The following KIAA2012 variants were observed in gnomAD, a reference collection of about 807,000 sequenced individuals.
The protein encoded by KIAA2012 is uncharacterized protein KIAA2012.
In KIAA2012, 125 loss-of-function variants were observed where a neutral mutation model predicts 150.6. The observed-to-expected ratio is 0.83, with a 90% CI of 0.72 to 0.96. The LOEUF is 0.96. KIAA2012 is among the 40% of genes least tolerant of loss of function. The pLI is 0.00. For synonymous variants in KIAA2012, 462 were observed against 504.7 expected, an observed-to-expected ratio of 0.92 and a Z score of 1.13; for missense variants, 1,219 against 1,354.9, an observed-to-expected ratio of 0.90 and a Z score of 1.57.
intron 20 of KIAA2012, 62 bp from the exon 21 acceptor site, chr2:202,194,128 T>C: frequency 1.3e-6 from 2 of 1,530,394 alleles, no homozygotes; most frequent in Non-Finnish European, 1.8e-6. Context: ...GTCTGTTGGC[T>C]CATCTCACAA....
intron 13 of KIAA2012, among the ~76,000 whole-genome samples, chr2:202,148,884 G>A (rs923612385): frequency 2.0e-5 from 3 of 152,114 alleles, no homozygotes; most frequent in Admixed American, 1.3e-4. Context: ...CGGCCCATTC[G>A]GATCCCCTTC....
At chr2:202,202,710 T>A (rs1244964057) in intron 23 of KIAA2012, 123 bp downstream of exon 23, 1 of 388,536 alleles carries the variant, frequency 2.6e-6, no homozygotes, top group Admixed American at 4.5e-5. Context: ...GGAGGCTTGC[T>A]TGAGGTCAGG....
intron 15 of KIAA2012, among the ~76,000 whole-genome samples, chr2:202,165,853 T>A (rs1007142890): frequency 1.3e-5 from 2 of 152,256 alleles, no homozygotes; most frequent in African/African-American, 2.4e-5. Context: ...ATACTAATTT[T>A]ACAAGAGCTT....
At chr2:202,115,615 G>A (rs1443133954) in intron 11 of KIAA2012, 2 of 151,920 alleles carry the variant, frequency 1.3e-5, no homozygotes, top group African/African-American at 4.8e-5. Flanking sequence ...CTTCCAATAT[G>A]AGTCCTAGAG....
At chr2:202,149,182 G>A (rs1691369170) in intron 13 of KIAA2012, among the ~76,000 whole-genome samples, 1 of 152,126 alleles carries the variant, frequency 6.6e-6, no homozygotes, top group Non-Finnish European at 1.5e-5. Flanking sequence ...TCAGATCTCT[G>A]TGTGCCCCTG....
At chr2:202,124,152 C>A (rs1329048746) in intron 11 of KIAA2012, among the ~76,000 whole-genome samples, 6 of 152,158 alleles carry the variant, frequency 3.9e-5, no homozygotes, top group African/African-American at 1.4e-4. Context: ...AAGATTGTGC[C>A]ATTGCACTCC....
rs1290325330 is a variant in KIAA2012, at chr2:202,125,219, G to A, written c.1768G>A (p.Glu590Lys). 6.5e-7 allele frequency: 1 copy of A among 1,550,090 alleles called. No individual in the cohort carries two copies. Among genetic ancestry groups the A allele is most frequent in the East Asian group, 2.4e-5 (1 of 40,916 alleles). The change falls in exon 12 of 24, where the codon GAA (glutamate) becomes AAA (lysine). Residue 590 changes from glutamate (E) to lysine (K), a missense_variant. Transcript: ENST00000498697. ...AATATCTTACTGTTTTTCAGCCTAT[G>A]AATCTGTCAATTCAAATATCAGCCA... ...TEALPSGKAYESVNSNISHEE... is the reference protein window; with the variant it reads ...TEALPSGKAYKSVNSNISHEE...
At chr2:202,081,394 A>C (rs1353137163) in intron 2 of KIAA2012, among the ~76,000 whole-genome samples, 1 of 152,072 alleles carries the variant, frequency 6.6e-6, no homozygotes, top group Non-Finnish European at 1.5e-5. Context: ...ATTATATAGT[A>C]ATTCTATTTT....
chr2:202,083,388 C>T (rs1246581476), intron 2 of KIAA2012, among the ~76,000 whole-genome samples: 1 of 151,496 alleles, frequency 6.6e-6, no homozygotes, highest in African/African-American at 2.4e-5. Flanking sequence ...CCTGCCCCGA[C>T]CTCTACTCCA....
rs553518482 is a variant in KIAA2012, at chr2:202,143,016, GACCCTGCCAA to G, written c.1908+4510_1908+4519del. Among the ~76,000 whole-genome samples the G allele has an allele frequency of 2.6e-3, 394 of 149,436 alleles. 3 individuals carry two copies. The highest frequency in any genetic ancestry group is 0.017 in the Middle Eastern group (5 of 292). On this transcript the variant is annotated intron_variant, in intron 13 of 23. Coordinates refer to ENST00000498697, the MANE Select transcript of KIAA2012 (RefSeq NM_001277372.4). The stretch of plus-strand genomic sequence containing the variant: ...GTTGTGACAATCAAAAATGTTTCCA[GACCCTGCCAA>G]ATGCCCACTGGGGAGCGAAATCACC...
chr2:202,133,131 T>TATATATA (rs1491511228), intron 12 of KIAA2012, among the ~76,000 whole-genome samples: 35 of 83,646 alleles, frequency 4.2e-4, no homozygotes, highest in African/African-American at 1.4e-3. Context: ...TATATATATA[T>TATATATA]TTTTTTTTTT....
chr2:202,180,223 A>G (rs1692091102), intron 15 of KIAA2012, among the ~76,000 whole-genome samples: 1 of 149,520 alleles, frequency 6.7e-6, no homozygotes, highest in African/African-American at 2.5e-5. Flanking sequence ...GAGAGCCGAG[A>G]TCGCGACATT....
intron 15 of KIAA2012, 35 bp from the exon 16 acceptor site, chr2:202,184,718 G>C: frequency 1.4e-6 from 2 of 1,437,560 alleles, no homozygotes; most frequent in Non-Finnish European, 9.3e-7. Context: ...ATAACTGCCT[G>C]TTGTCCTTTA....
intron 12 of KIAA2012, among the ~76,000 whole-genome samples, chr2:202,128,439 G>T (rs34194560): frequency 0.14 from 20,370 of 145,866 alleles, 1,678 homozygotes; most frequent in Non-Finnish European, 0.18. Flanking sequence ...CTTTTTGGGG[G>T]TTTTTTTTTT....
At chr2:202,085,441 C>T (rs1417804922) in intron 2 of KIAA2012, among the ~76,000 whole-genome samples, 1 of 152,052 alleles carries the variant, frequency 6.6e-6, no homozygotes, top group Non-Finnish European at 1.5e-5. Context: ...AGAGAGAGGG[C>T]AGCCTGAGAA....
At chr2:202,082,276 GCC>G (rs1689467505) in intron 2 of KIAA2012, among the ~76,000 whole-genome samples, 1 of 152,018 alleles carries the variant, frequency 6.6e-6, no homozygotes, top group Admixed American at 6.5e-5. Context: ...GATCACTTGA[GCC>G]CAAGAGATCG....
chr2:202,123,199 C>T lies in KIAA2012; in HGVS notation c.1763-2015C>T, dbSNP rs374564672. 4.6e-5 allele frequency among the ~76,000 whole-genome samples: 7 copies of T among 152,172 alleles called. No homozygotes were observed. In the East Asian group the frequency reaches 5.8e-4, roughly 13 times the overall value. On this transcript the variant is annotated intron_variant, in intron 11 of 23. Transcript: ENST00000498697. ...AGGGCAGGGCGGTGGCGGTGACAGACGGTGTTCGTGTAGCCCTCCTCCGCC... is the reference window on the plus strand; with the variant it reads ...AGGGCAGGGCGGTGGCGGTGACAGATGGTGTTCGTGTAGCCCTCCTCCGCC...
intron 11 of KIAA2012, among the ~76,000 whole-genome samples, chr2:202,119,935 G>A (rs1690619226): frequency 6.6e-6 from 1 of 152,208 alleles, no homozygotes; most frequent in African/African-American, 2.4e-5. Context: ...GCTCTTTCCT[G>A]TGCTGTTCTC....
chr2:202,165,347 A>C lies in KIAA2012; in HGVS notation c.2110A>C (p.Asn704His), dbSNP rs1231031862. The C allele has an allele frequency of 5.2e-6, 8 of 1,550,254 alleles. No homozygotes were observed. The Admixed American group carries it at 1.6e-4, about 30-fold the overall frequency. ...GAGACCCCTCAGAGAAACTCACCACAACGACCAAGGTACAGACCACTAGGT... is the reference window on the plus strand; with the variant it reads ...GAGACCCCTCAGAGAAACTCACCACCACGACCAAGGTACAGACCACTAGGT... ...AGRPLRETHH[N>H]DQDPEPRSMT... The change falls in exon 15 of 24, where the codon AAC becomes CAC. Residue 704 changes from asparagine (N) to histidine (H), a missense_variant. By Grantham distance (68) the Asn-to-His change is moderately conservative. Coordinates refer to ENST00000498697, the MANE Select transcript of KIAA2012 (RefSeq NM_001277372.4).
Sources: gnomAD v4.1 joint callset for allele counts (sites outside exome capture counted in the v4.1 genomes callset) on GRCh38, gnomAD v4.1.1 for gene constraint, MANE v1.5 for transcripts, NCBI Gene and HGNC (gene_info 2026-07-23, HGNC 2026-07-21) for gene names.